The following NAALADL2 variants were observed in gnomAD, a reference collection of about 807,000 sequenced individuals.
NAALADL2 encodes the protein inactive N-acetylated-alpha-linked acidic dipeptidase-like protein 2.
In NAALADL2, 76 loss-of-function variants were observed where a neutral mutation model predicts 87.2. The ratio of observed to expected loss-of-function variants is 0.87; its 90% CI spans 0.72 to 1.05. The LOEUF is 1.05. Among genes scored for constraint, NAALADL2 ranks in the 50% least tolerant of loss-of-function variants. The pLI, the probability that NAALADL2 is intolerant of heterozygous loss-of-function variation, is 0.00. For missense variants in NAALADL2, 1,089 were observed against 945.8 expected (o/e 1.15, Z -1.99); for synonymous variants, 354 against 331.0 (o/e 1.07, Z -0.75).
chr3:174,834,894 A>G (rs1008936723), intron 3 of NAALADL2, among the ~76,000 whole-genome samples: 3 of 151,838 alleles, frequency 2.0e-5, no homozygotes, highest in Admixed American at 2.0e-4. Flanking sequence ...AATCACTGTA[A>G]AATCTATGAA....
At chr3:174,504,536 C>T (rs527754246) in intron 1 of NAALADL2, among the ~76,000 whole-genome samples, 1 of 152,146 alleles carries the variant, frequency 6.6e-6, no homozygotes, top group African/African-American at 2.4e-5. Context: ...AGGCCTCCAT[C>T]CTAACTGTTT....
intron 9 of NAALADL2, among the ~76,000 whole-genome samples, chr3:175,536,768 C>T (rs1734873355): frequency 6.6e-6 from 1 of 152,188 alleles, no homozygotes; most frequent in South Asian, 2.1e-4. Flanking sequence ...CCGTCTCTTC[C>T]TCTCAAAGTG....
intron 5 of NAALADL2, among the ~76,000 whole-genome samples, chr3:175,385,671 C>T (rs554319160): frequency 3.9e-5 from 6 of 152,074 alleles, no homozygotes; most frequent in Admixed American, 6.6e-5. Context: ...TTTCAGGTGA[C>T]GGGTCTCCCA....
At chr3:174,486,734 T>G (rs1005099467) in intron 1 of NAALADL2, among the ~76,000 whole-genome samples, 1 of 152,070 alleles carries the variant, frequency 6.6e-6, no homozygotes, top group Non-Finnish European at 1.5e-5. Context: ...AGAAGTCCCC[T>G]TTCCTTTTTT....
intron 1 of NAALADL2, among the ~76,000 whole-genome samples, chr3:174,546,311 A>C (rs1722724501): frequency 6.6e-6 from 1 of 152,092 alleles, no homozygotes; most frequent in Admixed American, 6.5e-5. Context: ...TGGTATTCCC[A>C]AGTTTGAGAT....
chr3:175,343,660 T>TTTTTTG (rs1762814942), intron 5 of NAALADL2, among the ~76,000 whole-genome samples: 1 of 133,316 alleles, frequency 7.5e-6, no homozygotes, highest in African/African-American at 3.1e-5. Context: ...ATCATGTTTT[T>TTTTTTG]TTTTTTTTTT....
intron 2 of NAALADL2, among the ~76,000 whole-genome samples, chr3:174,666,151 G>T (rs1725934983): frequency 6.6e-6 from 1 of 152,084 alleles, no homozygotes; most frequent in Non-Finnish European, 1.5e-5. Flanking sequence ...ACACTTACTT[G>T]TATCTGGATA....
chr3:175,092,220 A>T (rs186455531), intron 1 of NAALADL2, among the ~76,000 whole-genome samples: 6 of 151,894 alleles, frequency 4.0e-5, no homozygotes, highest in Non-Finnish European at 4.4e-5. Flanking sequence ...AAGCATAAGT[A>T]TTATGCATAA....
At chr3:175,465,399 A>C (rs758939354) in intron 7 of NAALADL2, among the ~76,000 whole-genome samples, 5 of 151,686 alleles carry the variant, frequency 3.3e-5, no homozygotes, top group Non-Finnish European at 7.4e-5. Flanking sequence ...CATTTATGGG[A>C]GATAAGTGAA....
chr3:175,005,814 G>T (rs1161097892), intron 1 of NAALADL2, among the ~76,000 whole-genome samples: 2 of 152,092 alleles, frequency 1.3e-5, no homozygotes, highest in East Asian at 1.9e-4. Flanking sequence ...AGATCAAAAA[G>T]TTGCTTTTTT....
At chr3:175,440,978 G>T (rs1353945295) in intron 5 of NAALADL2, among the ~76,000 whole-genome samples, 1 of 152,126 alleles carries the variant, frequency 6.6e-6, no homozygotes, top group East Asian at 1.9e-4. Context: ...TCATTTTGAA[G>T]GAGACTGAGA....
chr3:174,585,431 G>A (rs1454567297), intron 2 of NAALADL2, among the ~76,000 whole-genome samples: 1 of 152,178 alleles, frequency 6.6e-6, no homozygotes, highest in Admixed American at 6.6e-5. Context: ...ATGGACGAGA[G>A]CAAGAGAACA....
intron 9 of NAALADL2, among the ~76,000 whole-genome samples, chr3:175,558,336 T>C (rs536696896): frequency 6.6e-6 from 1 of 152,272 alleles, no homozygotes; most frequent in East Asian, 1.9e-4. Context: ...GTTAATCCCT[T>C]GTCAGATGGA....
At chr3:174,875,360 T>C (rs1389918962) in intron 1 of NAALADL2, among the ~76,000 whole-genome samples, 2 of 152,018 alleles carry the variant, frequency 1.3e-5, no homozygotes, top group Non-Finnish European at 2.9e-5. Flanking sequence ...AAAATAGTTG[T>C]TTACTATGTA....
intron 4 of NAALADL2, among the ~76,000 whole-genome samples, chr3:175,262,470 C>A (rs969889819): frequency 5.9e-5 from 9 of 151,834 alleles, no homozygotes; most frequent in African/African-American, 2.2e-4. Flanking sequence ...AAAATAAAAT[C>A]TGTAGATGCA....
At chr3:174,464,256 T>A (rs1716387430) in intron 1 of NAALADL2, among the ~76,000 whole-genome samples, 1 of 152,154 alleles carries the variant, frequency 6.6e-6, no homozygotes, top group Non-Finnish European at 1.5e-5. Flanking sequence ...GAGACTGCAG[T>A]ATTCTAACCT....
At chr3:174,975,376 A>G (rs1256882096) in intron 1 of NAALADL2, among the ~76,000 whole-genome samples, 1 of 152,224 alleles carries the variant, frequency 6.6e-6, no homozygotes, top group Non-Finnish European at 1.5e-5. Context: ...ACTTCCAGTC[A>G]TATTACAAAT....
At chr3:174,997,392 G>A (rs866210750) in intron 1 of NAALADL2, among the ~76,000 whole-genome samples, 7 of 151,916 alleles carry the variant, frequency 4.6e-5, no homozygotes, top group African/African-American at 1.7e-4. Context: ...TCATTCCAAG[G>A]TCTTTTTTAT....
At chr3:175,173,113 A>G (rs1735106076) in intron 2 of NAALADL2, among the ~76,000 whole-genome samples, 1 of 151,756 alleles carries the variant, frequency 6.6e-6, no homozygotes, top group African/African-American at 2.4e-5. Context: ...CGACATGGCT[A>G]AACCTAGTCT....
Sources: allele counts gnomAD v4.1 joint callset (sites outside exome capture counted in the v4.1 genomes callset), GRCh38; gene constraint gnomAD v4.1.1; transcripts MANE v1.5; gene names NCBI Gene and HGNC (gene_info 2026-07-23, HGNC 2026-07-21).